KIRREL3: variants seen among roughly 807,000 people sequenced by gnomAD.
The protein encoded by KIRREL3 is kin of IRRE-like protein 3.
In KIRREL3, 36 loss-of-function variants were observed where a neutral mutation model predicts 89.7. The observed-to-expected ratio is 0.40, with a 90% CI of 0.31 to 0.53. KIRREL3 has a LOEUF of 0.53. KIRREL3 is among the 20% of genes least tolerant of loss of function. KIRREL3 has a pLI of 0.49. For missense variants in KIRREL3, 864 were observed against 1,056.6 expected (o/e 0.82, Z 2.53); for synonymous variants, 445 against 441.4 (o/e 1.01, Z -0.10).
rs1486379360 is a variant in KIRREL3 at position 126,609,179 on chromosome 11, C to T, written c.56-46267G>A. 2.0e-5 allele frequency among the ~76,000 whole-genome samples: 3 copies of T among 152,084 alleles called. No homozygotes were observed. Among genetic ancestry groups the T allele is most frequent in the East Asian group, 1.9e-4 (1 of 5,196 alleles). ...GGGTTTGTTTTCCCCGCTCTGAGAC[C>T]GGACCTCAGGAAAGGGGTGCGGGGA... On this transcript the variant is annotated intron_variant, in intron 1 of 16. Coordinates refer to ENST00000525144, the MANE Select transcript of KIRREL3 (RefSeq NM_032531.4). This position sits in a 1 kb window ranked among gnomAD's most constrained non-coding sequence, Gnocchi z 5.0.
At position 126,608,968 on chromosome 11, in the gene KIRREL3, G is replaced by C. The variant is rs1346225134; in HGVS notation, c.56-46056C>G. On this transcript the variant is annotated intron_variant, in intron 1 of 16. Coordinates refer to ENST00000525144, the MANE Select transcript of KIRREL3 (RefSeq NM_032531.4). This position sits in a 1 kb window ranked among gnomAD's most constrained non-coding sequence, Gnocchi z 4.9. ...TCCTGTGGGTCAGAGTACAGGGTGGGTAGCAGAAACAATCAGGCCAGAGGG... is the reference window on the plus strand; with the variant it reads ...TCCTGTGGGTCAGAGTACAGGGTGGCTAGCAGAAACAATCAGGCCAGAGGG... 6.6e-6 allele frequency among the ~76,000 whole-genome samples: 1 copy of C among 152,200 alleles called. No individual in the cohort carries two copies. Among genetic ancestry groups the C allele is most frequent in the Non-Finnish European group, 1.5e-5 (1 of 68,028 alleles).
At position 126,919,373 on chromosome 11, in the gene KIRREL3, C is replaced by T. The variant is rs540430639; in HGVS notation, c.55+81082G>A. Among the ~76,000 whole-genome samples the T allele has an allele frequency of 3.3e-5, 5 of 152,336 alleles. No individual in the cohort carries two copies. In the South Asian group the frequency reaches 1.0e-3, roughly 32 times the overall value. On this transcript the variant is annotated intron_variant, in intron 1 of 16. Coordinates refer to ENST00000525144, the MANE Select transcript of KIRREL3 (RefSeq NM_032531.4). ...TCCAGTTGAGTAATTAAAATCACTT[C>T]TGTTAAAGTAGCATGGTTGGCTCAA...
chr11:126,567,016 G>A (rs779759170), intron 1 of KIRREL3, among the ~76,000 whole-genome samples: 17 of 152,292 alleles, frequency 1.1e-4, no homozygotes, highest in Non-Finnish European at 2.2e-4. Flanking sequence ...GTACGGGGTC[G>A]CAGAGCTGCA....
chr11:126,681,282 A>G (rs1442306225), intron 1 of KIRREL3, among the ~76,000 whole-genome samples: 1 of 152,150 alleles, frequency 6.6e-6, no homozygotes, highest in East Asian at 1.9e-4. Flanking sequence ...CCTTCCCTTC[A>G]TACCTCCAGG....
chr11:126,927,524 A>G (rs769752361), intron 1 of KIRREL3, among the ~76,000 whole-genome samples: 12 of 152,252 alleles, frequency 7.9e-5, no homozygotes, highest in Non-Finnish European at 1.5e-4. Flanking sequence ...TAATAAATAC[A>G]AAAAGGAAAG....
At position 126,965,736 on chromosome 11, in the gene KIRREL3, G is replaced by A. The variant is rs534357501; in HGVS notation, c.55+34719C>T. Among the ~76,000 whole-genome samples the A allele has an allele frequency of 1.5e-4, 23 of 152,246 alleles. No individual in the cohort carries two copies. The South Asian group carries it at 1.9e-3, about 12-fold the overall frequency. ...TGACTTTGGAGTGCGTTATTTTCCCGTGTTTTACGTTGGCCTTGTTGTTTT... is the reference window on the plus strand; with the variant it reads ...TGACTTTGGAGTGCGTTATTTTCCCATGTTTTACGTTGGCCTTGTTGTTTT... On this transcript the variant is annotated intron_variant, in intron 1 of 16. Transcript: ENST00000525144. The surrounding 1 kb of genome is among the most constrained non-coding windows in gnomAD (Gnocchi z 4.4).
At chr11:126,928,096 A>T (rs1002755593) in intron 1 of KIRREL3, among the ~76,000 whole-genome samples, 23 of 152,242 alleles carry the variant, frequency 1.5e-4, no homozygotes, top group African/African-American at 5.5e-4. Flanking sequence ...CTCAAATCAC[A>T]CAAGTCATTG....
chr11:126,547,740 C>T (rs989381022), intron 2 of KIRREL3, among the ~76,000 whole-genome samples: 9 of 152,238 alleles, frequency 5.9e-5, no homozygotes, highest in African/African-American at 1.4e-4. Context: ...GATTTGGGGA[C>T]GGCAGTCCTT....
rs1944664399 is a variant in KIRREL3, at chr11:126,860,331, A to G, written c.55+140124T>C. Among the ~76,000 whole-genome samples, 1 of 152,216 alleles carries G rather than the reference A, an allele frequency of 6.6e-6. No individual in the cohort carries two copies. The highest frequency in any genetic ancestry group is 2.1e-4 in the South Asian group (1 of 4,822). ...ATTAAATTTAATAAAGGCGTGGGCA[A>G]TGGGTCTGGGAGCACAGAGAAGGTT... On this transcript the variant is annotated intron_variant, in intron 1 of 16. Transcript: ENST00000525144. The surrounding 1 kb of genome is among the most constrained non-coding windows in gnomAD (Gnocchi z 4.6).
chr11:126,611,843 C>T lies in KIRREL3; in HGVS notation c.56-48931G>A, dbSNP rs1485367694. Among the ~76,000 whole-genome samples, 1 of 152,202 alleles carries T rather than the reference C, an allele frequency of 6.6e-6. No individual in the cohort carries two copies. Among genetic ancestry groups the T allele is most frequent in the Non-Finnish European group, 1.5e-5 (1 of 68,034 alleles). On this transcript the variant is annotated intron_variant, in intron 1 of 16. Coordinates refer to ENST00000525144, the MANE Select transcript of KIRREL3 (RefSeq NM_032531.4). The surrounding 1 kb of genome is among the most constrained non-coding windows in gnomAD (Gnocchi z 4.7). ...CTTGGCTGGACCCATCAGGCTGGAA[C>T]ACCAGATTCTTAATCAACTGTAGGT...
At chr11:126,469,021 A>T (rs1490378414) in intron 5 of KIRREL3, among the ~76,000 whole-genome samples, 1 of 152,186 alleles carries the variant, frequency 6.6e-6, no homozygotes, top group Non-Finnish European at 1.5e-5. Flanking sequence ...TGACAATCCC[A>T]ACAGCAGTGC....
intron 5 of KIRREL3, among the ~76,000 whole-genome samples, chr11:126,468,070 C>A (rs145754289): frequency 6.6e-6 from 1 of 152,194 alleles, no homozygotes; most frequent in Admixed American, 6.5e-5. Context: ...GACACAGACA[C>A]GACTGTGCGT....
Position 126,940,872 on chromosome 11 carries a change from A to G in KIRREL3, c.55+59583T>C, listed in dbSNP as rs539040489. 1.3e-5 allele frequency: 2 copies of G among 151,812 alleles called. No homozygotes were observed. The highest frequency in any genetic ancestry group is 2.4e-5 in the African/African-American group (1 of 41,384). 9.4% of individuals were successfully genotyped at this position (151,812 alleles called of 1,614,324 possible). A position where few individuals can be genotyped will look rare whatever the true frequency, so the allele number is the denominator to read the frequency against. ...AAGACTGTCATGAAACTATTTGGAT[A>G]CTGTACTCTGGTTCCTTCATCTCCT... On this transcript the variant is annotated intron_variant, in intron 1 of 16. Transcript: ENST00000525144. The surrounding 1 kb of genome is among the most constrained non-coding windows in gnomAD (Gnocchi z 4.6).
intron 7 of KIRREL3, among the ~76,000 whole-genome samples, chr11:126,450,204 T>C (rs1218916232): frequency 6.6e-6 from 1 of 152,116 alleles, no homozygotes; most frequent in East Asian, 1.9e-4. Context: ...TGTGTTCATG[T>C]GAATGTGTGC....
In KIRREL3 at chr11:126,811,014, C is replaced by G. The variant is rs1390912638; in HGVS notation, c.55+189441G>C. Among the ~76,000 whole-genome samples the G allele has an allele frequency of 1.3e-5, 2 of 152,148 alleles. No individual in the cohort carries two copies. The highest frequency in any genetic ancestry group is 2.4e-5 in the African/African-American group (1 of 41,440). On this transcript the variant is annotated intron_variant, in intron 1 of 16. Transcript: ENST00000525144. This position sits in a 1 kb window ranked among gnomAD's most constrained non-coding sequence, Gnocchi z 4.3. Reference sequence around the variant, plus strand: ...GCCTTGCAGCCGGTCTGACAAACCCCATCTGCTTCGTTCTCTTGGCCACCC... The same window carrying G: ...GCCTTGCAGCCGGTCTGACAAACCCGATCTGCTTCGTTCTCTTGGCCACCC...
intron 1 of KIRREL3, among the ~76,000 whole-genome samples, chr11:126,947,845 T>C (rs754828347): frequency 1.3e-5 from 2 of 152,222 alleles, no homozygotes; most frequent in Non-Finnish European, 2.9e-5. Context: ...GACATTGGTA[T>C]AATCTTTGAC....
rs1479981496 is a variant in KIRREL3 at position 126,703,737 on chromosome 11, C to T, written c.56-140825G>A. On this transcript the variant is annotated intron_variant, in intron 1 of 16. Transcript: ENST00000525144. This position sits in a 1 kb window ranked among gnomAD's most constrained non-coding sequence, Gnocchi z 4.6. ...CCTCTGACTGCCTGGGCCAGTGTTT[C>T]CGTGCCAGAAACCCTGTCTCAGAGG... Among the ~76,000 whole-genome samples the T allele has an allele frequency of 6.6e-6, 1 of 152,210 alleles. No homozygotes were observed. Among genetic ancestry groups the T allele is most frequent in the Admixed American group, 6.5e-5 (1 of 15,290 alleles).
Position 126,627,573 on chromosome 11 carries a change from T to A in KIRREL3, c.56-64661A>T, listed in dbSNP as rs1943843789. On this transcript the variant is annotated intron_variant, in intron 1 of 16. Coordinates refer to ENST00000525144, the MANE Select transcript of KIRREL3 (RefSeq NM_032531.4). The surrounding 1 kb of genome is among the most constrained non-coding windows in gnomAD (Gnocchi z 5.0). ...CAGTCCAGCTGCCATGTGGCCGATG[T>A]GTCCTACCGTGGTACATCATCTCCT... is the stretch of plus-strand genomic sequence containing the variant. Among the ~76,000 whole-genome samples, 1 of 152,224 alleles carries A rather than the reference T, an allele frequency of 6.6e-6. No homozygotes were observed. The highest frequency in any genetic ancestry group is 2.1e-4 in the South Asian group (1 of 4,830).
chr11:126,798,888 T>C (rs1444905313), intron 1 of KIRREL3, among the ~76,000 whole-genome samples: 1 of 152,242 alleles, frequency 6.6e-6, no homozygotes, highest in Non-Finnish European at 1.5e-5. Flanking sequence ...TCATGCTGTG[T>C]CTCAGTTTCT....
Sources: allele counts gnomAD v4.1 joint callset (sites outside exome capture counted in the v4.1 genomes callset), GRCh38; gene constraint gnomAD v4.1.1; non-coding constraint Gnocchi (gnomAD v3.1); transcripts MANE v1.5; gene names NCBI Gene and HGNC (gene_info 2026-07-23, HGNC 2026-07-21).